The following CNTNAP2 variants were observed in gnomAD, a reference collection of about 807,000 sequenced individuals.
The protein encoded by CNTNAP2 is contactin-associated protein-like 2.
A neutral mutation model predicts 155.2 loss-of-function variants in CNTNAP2; 98 were observed. The ratio of observed to expected loss-of-function variants is 0.63; its 90% CI spans 0.54 to 0.75. CNTNAP2 has a LOEUF of 0.75. Among genes scored for constraint, CNTNAP2 ranks in the 30% least tolerant of loss-of-function variants. The pLI, the probability that CNTNAP2 is intolerant of heterozygous loss-of-function variation, is 0.00. For synonymous variants in CNTNAP2, 651 were observed against 631.2 expected, an observed-to-expected ratio of 1.03 and a Z score of -0.47; for missense variants, 1,727 against 1,688.1, an observed-to-expected ratio of 1.02 and a Z score of -0.40.
chr7:146,302,565 CTAAG>C (rs1449760989), intron 1 of CNTNAP2, among the ~76,000 whole-genome samples: 2 of 152,038 alleles, frequency 1.3e-5, no homozygotes, highest in Non-Finnish European at 2.9e-5. Flanking sequence ...AGCAAAAAAG[CTAAG>C]TAATTTGCAC....
At chr7:147,743,578 CAGTCACGCT>C (rs1297272942) in intron 13 of CNTNAP2, among the ~76,000 whole-genome samples, 1 of 152,192 alleles carries the variant, frequency 6.6e-6, no homozygotes, top group Non-Finnish European at 1.5e-5. Context: ...CCTGCTTGTC[CAGTCACGCT>C]CTGGTAATTG....
intron 18 of CNTNAP2, among the ~76,000 whole-genome samples, chr7:148,200,618 C>T (rs181247117): frequency 1.5e-3 from 233 of 152,244 alleles, no homozygotes; most frequent in Middle Eastern, 6.8e-3. Context: ...ACTCCTCTTA[C>T]ATAGGAATCA....
chr7:147,806,036 G>A (rs577248674), intron 13 of CNTNAP2, among the ~76,000 whole-genome samples: 3 of 152,260 alleles, frequency 2.0e-5, no homozygotes, highest in Admixed American at 6.5e-5. Flanking sequence ...CACACAGCAA[G>A]GGAGACAATC....
At chr7:146,284,659 A>G (rs1800299478) in intron 1 of CNTNAP2, among the ~76,000 whole-genome samples, 1 of 152,234 alleles carries the variant, frequency 6.6e-6, no homozygotes, top group Non-Finnish European at 1.5e-5. Context: ...CTTTTTAAAA[A>G]TAATTGAAAT....
At chr7:147,851,253 A>T (rs2116668765) in intron 13 of CNTNAP2, among the ~76,000 whole-genome samples, 1 of 152,296 alleles carries the variant, frequency 6.6e-6, no homozygotes. Context: ...AATGGCGATC[A>T]TTAAAAAGTC....
intron 13 of CNTNAP2, among the ~76,000 whole-genome samples, chr7:147,864,734 G>C (rs1188719518): frequency 1.3e-5 from 2 of 152,116 alleles, no homozygotes; most frequent in Non-Finnish European, 2.9e-5. Flanking sequence ...CTGTTTGTCT[G>C]TTATTGGTGT....
At chr7:146,699,792 AC>A (rs1403517735) in intron 1 of CNTNAP2, among the ~76,000 whole-genome samples, 1 of 151,884 alleles carries the variant, frequency 6.6e-6, no homozygotes, top group Non-Finnish European at 1.5e-5. Context: ...ACACAGCGAA[AC>A]CCCGTCTCTA....
intron 1 of CNTNAP2, among the ~76,000 whole-genome samples, chr7:146,505,271 G>A (rs1797366429): frequency 6.6e-6 from 1 of 152,182 alleles, no homozygotes; most frequent in African/African-American, 2.4e-5. Flanking sequence ...CTCATCGTAG[G>A]TGTGGGACCA....
chr7:148,127,448 A>G (rs1225190194), intron 16 of CNTNAP2, among the ~76,000 whole-genome samples: 1 of 152,162 alleles, frequency 6.6e-6, no homozygotes, highest in Non-Finnish European at 1.5e-5. Context: ...CAAGTTTGAG[A>G]TTTTTAAGGT....
chr7:146,609,841 G>A (rs1390707250), intron 1 of CNTNAP2, among the ~76,000 whole-genome samples: 1 of 152,164 alleles, frequency 6.6e-6, no homozygotes, highest in African/African-American at 2.4e-5. Context: ...GGAATCAGCT[G>A]GAGATTTCTT....
At chr7:147,470,164 A>G (rs557779916) in intron 10 of CNTNAP2, among the ~76,000 whole-genome samples, 1 of 152,202 alleles carries the variant, frequency 6.6e-6, no homozygotes, top group Non-Finnish European at 1.5e-5. Context: ...CCTGGTTGCT[A>G]TGAGAGTAGA....
intron 9 of CNTNAP2, among the ~76,000 whole-genome samples, chr7:147,374,028 T>C (rs1482582112): frequency 1.3e-5 from 2 of 152,042 alleles, no homozygotes; most frequent in Admixed American, 6.6e-5. Context: ...GATGGGAGTT[T>C]AGTCTAAAGA....
intron 1 of CNTNAP2, among the ~76,000 whole-genome samples, chr7:146,356,142 T>G (rs905617417): frequency 6.6e-6 from 1 of 151,714 alleles, no homozygotes; most frequent in African/African-American, 2.4e-5. Flanking sequence ...TCAAATAGCA[T>G]TCCATTTTCT....
chr7:146,916,842 T>C (rs546631929), intron 3 of CNTNAP2, among the ~76,000 whole-genome samples: 4 of 152,180 alleles, frequency 2.6e-5, no homozygotes, highest in African/African-American at 4.8e-5. Context: ...TCTGGATTAT[T>C]TCTTTTCTTC....
At chr7:147,791,118 A>G (rs755345763) in intron 13 of CNTNAP2, among the ~76,000 whole-genome samples, 6 of 152,114 alleles carry the variant, frequency 3.9e-5, no homozygotes, top group Non-Finnish European at 5.9e-5. Flanking sequence ...CTTTACTAAT[A>G]TTAATCAACT....
chr7:146,473,579 A>G (rs1301680570), intron 1 of CNTNAP2, among the ~76,000 whole-genome samples: 2 of 152,030 alleles, frequency 1.3e-5, no homozygotes, highest in African/African-American at 4.8e-5. Context: ...TTTCTTGGAT[A>G]TTGTGGTTTA....
chr7:147,908,649 A>T (rs1179914793), intron 14 of CNTNAP2, among the ~76,000 whole-genome samples: 1 of 152,202 alleles, frequency 6.6e-6, no homozygotes, highest in Non-Finnish European at 1.5e-5. Context: ...AAACACAGAG[A>T]AGGGCTGGGA....
chr7:147,728,873 A>T (rs1472093103), intron 13 of CNTNAP2, among the ~76,000 whole-genome samples: 1 of 151,840 alleles, frequency 6.6e-6, no homozygotes, highest in Non-Finnish European at 1.5e-5. Context: ...TGGTTTTTAT[A>T]CCAAGTGTTC....
At chr7:147,593,554 A>G (rs1185414379) in intron 12 of CNTNAP2, among the ~76,000 whole-genome samples, 1 of 151,346 alleles carries the variant, frequency 6.6e-6, no homozygotes, top group African/African-American at 2.4e-5. Context: ...GCCTTTAAAA[A>G]CCTCCATTTC....
Sources: allele counts gnomAD v4.1 joint callset (sites outside exome capture counted in the v4.1 genomes callset), GRCh38; gene constraint gnomAD v4.1.1; transcripts MANE v1.5; gene names NCBI Gene and HGNC (gene_info 2026-07-23, HGNC 2026-07-21).